Variants in SGCZ observed in about 807,000 individuals in gnomAD.
The protein encoded by SGCZ is zeta-sarcoglycan.
In SGCZ, 40 loss-of-function variants were observed where a neutral mutation model predicts 41.3. The ratio of observed to expected loss-of-function variants is 0.97; its 90% CI spans 0.75 to 1.26. The LOEUF (loss-of-function observed/expected upper bound fraction) is 1.26. SGCZ is among the 50% of genes most tolerant of loss of function. The pLI, the probability that SGCZ is intolerant of heterozygous loss-of-function variation, is 0.00. For synonymous variants in SGCZ, 206 were observed against 137.5 expected (o/e 1.50, Z -3.49); for missense variants, 552 against 369.8 (o/e 1.49, Z -4.04).
intron 1 of SGCZ, among the ~76,000 whole-genome samples, chr8:14,877,556 A>G (rs759237467): frequency 8.5e-5 from 13 of 152,178 alleles, no homozygotes; most frequent in Non-Finnish European, 1.6e-4. Flanking sequence ...TGCACTTGTC[A>G]TCTAAGCATA....
At chr8:15,161,015 C>G (rs1458042594) in intron 1 of SGCZ, among the ~76,000 whole-genome samples, 1 of 152,084 alleles carries the variant, frequency 6.6e-6, no homozygotes, top group Non-Finnish European at 1.5e-5. Flanking sequence ...TAAGTCAAAT[C>G]ATGATGCTCT....
chr8:14,788,923 C>A (rs976410995), intron 1 of SGCZ, among the ~76,000 whole-genome samples: 1 of 151,882 alleles, frequency 6.6e-6, no homozygotes, highest in African/African-American at 2.4e-5. Context: ...CCAGCCTGGG[C>A]AATATAGCTA....
rs570456094 is a variant in SGCZ at position 14,146,688 on chromosome 8, C to G, written c.547+17892G>C. On this transcript the variant is annotated intron_variant, in intron 5 of 7. Transcript: ENST00000382080. ...GAGATCGAGACCATCCCGGCTAAAA[C>G]AGTGAGACCCCGTCTCTACTAAAAA... Among the ~76,000 whole-genome samples, 200 of 151,620 alleles carry G rather than the reference C, an allele frequency of 1.3e-3. 1 individual carries two copies. Among genetic ancestry groups the G allele is most frequent in the African/African-American group, 4.6e-3 (191 of 41,228 alleles).
chr8:14,894,517 G>C (rs1805124610), intron 1 of SGCZ, among the ~76,000 whole-genome samples: 2 of 152,096 alleles, frequency 1.3e-5, no homozygotes, highest in Admixed American at 1.3e-4. Flanking sequence ...TGCTCCCCAA[G>C]GGTCTTTGCT....
At chr8:14,835,946 A>C (rs1802686878) in intron 1 of SGCZ, among the ~76,000 whole-genome samples, 1 of 152,236 alleles carries the variant, frequency 6.6e-6, no homozygotes, top group South Asian at 2.1e-4. Context: ...TTAAATTTCC[A>C]ATAAGTTGCT....
intron 4 of SGCZ, among the ~76,000 whole-genome samples, chr8:14,200,554 A>T (rs1805420628): frequency 6.6e-6 from 1 of 152,190 alleles, no homozygotes; most frequent in South Asian, 2.1e-4. Flanking sequence ...CTGAACATAT[A>T]AAATAAATGA....
intron 1 of SGCZ, among the ~76,000 whole-genome samples, chr8:15,016,249 C>A (rs144418990): frequency 0.012 from 1,781 of 152,230 alleles, 30 homozygotes; most frequent in African/African-American, 0.04. Context: ...TTCATTAATT[C>A]CAATCTCTCT....
chr8:14,623,821 A>C (rs1351541844), intron 1 of SGCZ, among the ~76,000 whole-genome samples: 2 of 152,176 alleles, frequency 1.3e-5, no homozygotes, highest in Non-Finnish European at 2.9e-5. Context: ...GCTGTGCAAC[A>C]AGATGAAAAG....
At chr8:14,268,568 G>T (rs1022039422) in intron 3 of SGCZ, among the ~76,000 whole-genome samples, 10 of 151,686 alleles carry the variant, frequency 6.6e-5, no homozygotes, top group Non-Finnish European at 1.3e-4. Context: ...GAAATTAGGG[G>T]ATAGTATTTA....
chr8:14,540,289 A>C (rs1356632083), intron 2 of SGCZ, among the ~76,000 whole-genome samples: 14 of 113,244 alleles, frequency 1.2e-4, no homozygotes, highest in African/African-American at 4.7e-4. Flanking sequence ...AATTATTATC[A>C]ATCTCTGTCT....
chr8:14,256,208 G>C (rs66463762), intron 3 of SGCZ, among the ~76,000 whole-genome samples: 1 of 151,960 alleles, frequency 6.6e-6, no homozygotes, highest in African/African-American at 2.4e-5. Flanking sequence ...TTGGAGCCCA[G>C]GATTTACTTT....
intron 1 of SGCZ, among the ~76,000 whole-genome samples, chr8:15,003,901 TACA>T (rs1802511746): frequency 6.6e-6 from 1 of 152,142 alleles, no homozygotes; most frequent in South Asian, 2.1e-4. Context: ...TCAAGTCCTT[TACA>T]ACAACGCAGT....
intron 1 of SGCZ, among the ~76,000 whole-genome samples, chr8:14,997,283 T>C (rs1802251225): frequency 6.6e-6 from 1 of 152,248 alleles, no homozygotes; most frequent in African/African-American, 2.4e-5. Context: ...ATGTTATTTC[T>C]TTGCTATGAA....
intron 3 of SGCZ, among the ~76,000 whole-genome samples, chr8:14,267,702 C>T (rs907475514): frequency 5.3e-5 from 8 of 152,008 alleles, no homozygotes; most frequent in African/African-American, 1.9e-4. Context: ...TTTGTAAAAT[C>T]TCTTTGGGAT....
At chr8:14,369,860 G>C (rs563543124) in intron 2 of SGCZ, among the ~76,000 whole-genome samples, 1 of 151,774 alleles carries the variant, frequency 6.6e-6, no homozygotes, top group Non-Finnish European at 1.5e-5. Context: ...CATATAATTA[G>C]GCAATCAACT....
At position 14,324,088 on chromosome 8, in the gene SGCZ, G is replaced by T. The variant is rs940822212; in HGVS notation, c.336+15C>A. 6.4e-7 allele frequency: 1 copy of T among 1,558,240 alleles called. No individual in the cohort carries two copies. The highest frequency in any genetic ancestry group is 8.8e-7 in the Non-Finnish European group (1 of 1,131,364). On this transcript the variant is annotated intron_variant, in intron 3 of 7. Transcript: ENST00000382080. ...AAATTATCTTTTAGAGTAAGCCAAA[G>T]CCAGTATCACATACCTTTCGAGAAT...
chr8:14,548,249 G>C (rs1413064122), intron 2 of SGCZ, among the ~76,000 whole-genome samples: 2 of 152,048 alleles, frequency 1.3e-5, no homozygotes, highest in Admixed American at 6.6e-5. Flanking sequence ...TAGCCCCAGG[G>C]TTCATACTTT....
At chr8:14,395,223 A>G (rs1356042485) in intron 2 of SGCZ, among the ~76,000 whole-genome samples, 1 of 152,214 alleles carries the variant, frequency 6.6e-6, no homozygotes, top group Non-Finnish European at 1.5e-5. Flanking sequence ...TGGTGATTCA[A>G]AAATCTCTAT....
chr8:15,032,094 T>A (rs967338313), intron 1 of SGCZ, among the ~76,000 whole-genome samples: 2 of 152,102 alleles, frequency 1.3e-5, no homozygotes, highest in African/African-American at 4.8e-5. Flanking sequence ...AGTGTCCTCA[T>A]TCTAAAATCA....
Sources: allele counts gnomAD v4.1 joint callset (sites outside exome capture counted in the v4.1 genomes callset), GRCh38; gene constraint gnomAD v4.1.1; transcripts MANE v1.5; gene names NCBI Gene and HGNC (gene_info 2026-07-23, HGNC 2026-07-21).